The following PTPRT variants were observed in gnomAD, a reference collection of about 807,000 sequenced individuals.
PTPRT encodes the protein receptor-type tyrosine-protein phosphatase T.
In PTPRT, 56 loss-of-function variants were observed where a neutral mutation model predicts 176.8. The observed-to-expected ratio is 0.32, with a 90% CI of 0.26 to 0.40. The LOEUF (loss-of-function observed/expected upper bound fraction) is 0.40. Among genes scored for constraint, PTPRT ranks in the 10% least tolerant of loss-of-function variants. The pLI is 1.00. For synonymous variants in PTPRT, 783 were observed against 739.0 expected, an observed-to-expected ratio of 1.06 and a Z score of -0.96; for missense variants, 1,540 against 1,908.2, an observed-to-expected ratio of 0.81 and a Z score of 3.60.
intron 2 of PTPRT, among the ~76,000 whole-genome samples, chr20:42,802,833 G>A (rs553575455): frequency 5.3e-5 from 8 of 152,196 alleles, no homozygotes; most frequent in Non-Finnish European, 1.2e-4. Context: ...GCTCTCAGCT[G>A]TGTGGCCTTG....
At chr20:42,351,273 C>T (rs1236883573) in intron 10 of PTPRT, among the ~76,000 whole-genome samples, 2 of 151,210 alleles carry the variant, frequency 1.3e-5, no homozygotes, top group Non-Finnish European at 3.0e-5. Flanking sequence ...TGAATTTATT[C>T]CTAAAGCTAT....
At position 42,110,337 on chromosome 20, in the gene PTPRT, A is replaced by C; in HGVS notation, c.3250T>G (p.Cys1084Gly). ...GGTGAAGGACCTTTGACTTACCTGC[A>C]GTGGACCACTATGGGCCCAGCTTCC... Reference protein sequence around the residue: ...PPEAGPIVVHCSAGAGRTGCF... With the variant: ...PPEAGPIVVHGSAGAGRTGCF... Residue 1084 changes from cysteine to glycine, a missense_variant, in exon 23 of 31, where the codon TGC (cysteine) becomes GGC (glycine). This residue lies in a region of PTPRT where 248 missense variants were observed against 356.7 expected (regional missense o/e 0.70). Coordinates refer to ENST00000373187, the MANE Select transcript of PTPRT (RefSeq NM_007050.6). The C allele has an allele frequency of 1.2e-6, 2 of 1,608,680 alleles. No individual in the cohort carries two copies. Among genetic ancestry groups the C allele is most frequent in the Non-Finnish European group, 1.7e-6 (2 of 1,176,370 alleles).
chr20:42,134,412 G>C (rs1447373783), intron 18 of PTPRT, among the ~76,000 whole-genome samples: 1 of 152,170 alleles, frequency 6.6e-6, no homozygotes, highest in African/African-American at 2.4e-5. Flanking sequence ...CGAGGGGAAG[G>C]TGCAGCCTGG....
chr20:42,300,503 C>T (rs984095053), intron 12 of PTPRT, among the ~76,000 whole-genome samples: 1 of 151,886 alleles, frequency 6.6e-6, no homozygotes, highest in African/African-American at 2.4e-5. Context: ...TTCAGAATGA[C>T]AAAAGAACCA....
chr20:42,633,108 A>G (rs2074449339), intron 7 of PTPRT, among the ~76,000 whole-genome samples: 1 of 152,136 alleles, frequency 6.6e-6, no homozygotes, highest in Non-Finnish European at 1.5e-5. Context: ...AGAAACTCTG[A>G]ATTATTCTTA....
At chr20:42,708,070 A>G (rs1404047590) in intron 6 of PTPRT, among the ~76,000 whole-genome samples, 1 of 152,210 alleles carries the variant, frequency 6.6e-6, no homozygotes, top group African/African-American at 2.4e-5. Context: ...TAAAGGTCAT[A>G]AAGAAATATG....
chr20:42,049,924 C>T, the PTPRT span, among the ~76,000 whole-genome samples: 1 of 152,220 alleles, frequency 6.6e-6, no homozygotes, highest in African/African-American at 2.4e-5. Context: ...CCATATAGTG[C>T]TCCCTCCTAT....
chr20:42,842,545 G>A (rs1203094473), intron 2 of PTPRT, among the ~76,000 whole-genome samples: 6 of 151,626 alleles, frequency 4.0e-5, no homozygotes, highest in East Asian at 1.9e-4. Context: ...TCCGCCCCCC[G>A]AGTAGCTGGG....
intron 3 of PTPRT, among the ~76,000 whole-genome samples, chr20:42,782,506 T>C (rs534802483): frequency 1.9e-4 from 29 of 152,338 alleles, no homozygotes; most frequent in African/African-American, 6.7e-4. Flanking sequence ...ATACGGAATA[T>C]GGTTAAGTGG....
intron 7 of PTPRT, among the ~76,000 whole-genome samples, chr20:42,604,772 C>T (rs529092436): frequency 1.3e-4 from 20 of 152,222 alleles, no homozygotes; most frequent in African/African-American, 4.6e-4. Context: ...TTCTATACCC[C>T]GAAGACATTG....
In PTPRT at chr20:43,186,019, G is replaced by C. The variant is rs189512933; in HGVS notation, c.88+3627C>G. 2.2e-3 allele frequency among the ~76,000 whole-genome samples: 336 copies of C among 152,148 alleles called. 2 individuals carry two copies. Among genetic ancestry groups the C allele is most frequent in the Non-Finnish European group, 3.7e-3 (252 of 68,006 alleles). ...TTAGCATAAGACTGATGCCCCACCC[G>C]CCTTGGCCTGTGCACATACACCTGT... On this transcript the variant is annotated intron_variant, in intron 1 of 30. Transcript: ENST00000373187.
intron 3 of PTPRT, among the ~76,000 whole-genome samples, chr20:42,788,211 A>G (rs1374138547): frequency 2.0e-5 from 3 of 146,558 alleles, no homozygotes; most frequent in African/African-American, 7.6e-5. Flanking sequence ...CCTCACACCA[A>G]ATGACAACAG....
chr20:43,127,970 A>G (rs754793471), intron 1 of PTPRT, among the ~76,000 whole-genome samples: 12 of 152,300 alleles, frequency 7.9e-5, no homozygotes, highest in Middle Eastern at 3.4e-3. Context: ...ACTTGGAGAT[A>G]CTGCTAGTTC....
Position 42,873,636 on chromosome 20 carries a change from T to G in PTPRT, c.214+12171A>C, listed in dbSNP as rs566097441. ...CATCTAAAATATAATCATTTCAACATGTAATCAACATAAACATTATTAATA... is the reference window on the plus strand; with the variant it reads ...CATCTAAAATATAATCATTTCAACAGGTAATCAACATAAACATTATTAATA... On this transcript the variant is annotated intron_variant, in intron 2 of 30. Transcript: ENST00000373187. 1.7e-3 allele frequency among the ~76,000 whole-genome samples: 256 copies of G among 152,362 alleles called. 5 individuals are homozygous for G. The South Asian group carries it at 0.053, about 31-fold the overall frequency.
At chr20:42,782,478 T>C (rs148267091) in intron 3 of PTPRT, among the ~76,000 whole-genome samples, 9 of 152,308 alleles carry the variant, frequency 5.9e-5, no homozygotes, top group Non-Finnish European at 1.0e-4. Context: ...CATTGACCAA[T>C]AGTCTATTCT....
chr20:42,523,613 A>G (rs2072216032), intron 7 of PTPRT, among the ~76,000 whole-genome samples: 1 of 152,168 alleles, frequency 6.6e-6, no homozygotes, highest in African/African-American at 2.4e-5. Context: ...CTTTTCTTTC[A>G]ACAACTTAAT....
chr20:42,416,450 G>A (rs2059066804), intron 9 of PTPRT, among the ~76,000 whole-genome samples: 1 of 152,158 alleles, frequency 6.6e-6, no homozygotes, highest in Admixed American at 6.6e-5. Flanking sequence ...GGAAAAAACT[G>A]TACTTCCCAA....
chr20:42,446,621 T>TGTGTGTGAGAGA (rs1491165117), intron 9 of PTPRT, among the ~76,000 whole-genome samples: 1 of 130,084 alleles, frequency 7.7e-6, no homozygotes, highest in African/African-American at 2.8e-5. Flanking sequence ...TGTGTGTGTG[T>TGTGTGTGAGAGA]GAGAGAGAGA....
chr20:42,907,577 T>C (rs544742566), intron 1 of PTPRT, among the ~76,000 whole-genome samples: 105 of 152,176 alleles, frequency 6.9e-4, no homozygotes, highest in African/African-American at 2.2e-3. Context: ...AGTTGTACAG[T>C]ATGAGATGAA....
Sources: gnomAD v4.1 joint callset for allele counts (sites outside exome capture counted in the v4.1 genomes callset) on GRCh38, gnomAD v4.1.1 for gene constraint, gnomAD v4.1.1 regional missense constraint, MANE v1.5 for transcripts, NCBI Gene and HGNC (gene_info 2026-07-23, HGNC 2026-07-21) for gene names.